The following PLEKHG4B variants were observed in gnomAD, a reference collection of about 807,000 sequenced individuals.
PLEKHG4B encodes the protein pleckstrin homology and RhoGEF domain containing G4B.
A neutral mutation model predicts 121.3 loss-of-function variants in PLEKHG4B; 111 were observed. The ratio of observed to expected loss-of-function variants is 0.92; its 90% CI spans 0.78 to 1.07. The LOEUF is 1.07. Ranked by LOEUF, PLEKHG4B falls within the 50% of genes least tolerant of loss-of-function variation. The probability of loss-of-function intolerance (pLI) is 0.00; values close to 1 mark genes in which losing one functional copy is unlikely to be tolerated. For missense variants in PLEKHG4B, 1,831 were observed against 1,757.8 expected, an observed-to-expected ratio of 1.04 and a Z score of -0.74; for synonymous variants, 738 against 725.0, an observed-to-expected ratio of 1.02 and a Z score of -0.29.
chr5:164,865 C>T (rs1459069091), intron 13 of PLEKHG4B, among the ~76,000 whole-genome samples: 2 of 124,660 alleles, frequency 1.6e-5, no homozygotes, highest in African/African-American at 3.4e-5. Flanking sequence ...GGGCGGGGCT[C>T]ACAGTAATGC....
chr5:156,247 A>G lies in PLEKHG4B; in HGVS notation c.2348+37A>G, dbSNP rs746068250. 2 of 1,410,204 alleles carry G rather than the reference A, an allele frequency of 1.4e-6. No individual in the cohort carries two copies. Among genetic ancestry groups the G allele is most frequent in the Admixed American group, 2.5e-5 (1 of 39,430 alleles). 87.4% of individuals were successfully genotyped at this position (1,410,204 alleles called of 1,614,324 possible). On this transcript the variant is annotated intron_variant, in intron 10 of 19. Coordinates refer to ENST00000637938, the MANE Select transcript of PLEKHG4B (RefSeq NM_052909.5). This position sits in a 1 kb window ranked among gnomAD's most constrained non-coding sequence, Gnocchi z 4.4. ...CAGGGGTCATGCTGGGCCCTGGCCC[A>G]TCGAGGGAGCTGCTCGGGGGAGTTT... is the stretch of plus-strand genomic sequence containing the variant.
At chr5:132,021 A>G (rs1227041712) in intron 2 of PLEKHG4B, among the ~76,000 whole-genome samples, 1 of 152,240 alleles carries the variant, frequency 6.6e-6, no homozygotes, top group Non-Finnish European at 1.5e-5. Flanking sequence ...CTATCTCAAC[A>G]TAATAAAAGC....
chr5:121,518 G>A (rs943265065), intron 2 of PLEKHG4B, among the ~76,000 whole-genome samples: 1 of 152,022 alleles, frequency 6.6e-6, no homozygotes, highest in Non-Finnish European at 1.5e-5. Flanking sequence ...GTGAGAAAAG[G>A]GCAGGACAAA....
At chr5:112,178 A>G (rs1159420944) in intron 1 of PLEKHG4B, among the ~76,000 whole-genome samples, 2 of 152,208 alleles carry the variant, frequency 1.3e-5, no homozygotes, top group African/African-American at 2.4e-5. Flanking sequence ...CAGGGCCGGC[A>G]GGAGGCTCTA....
Position 149,413 on chromosome 5 carries a change from T to C in PLEKHG4B, c.1906-2100T>C, listed in dbSNP as rs374690275. Among the ~76,000 whole-genome samples, 40 of 151,630 alleles carry C rather than the reference T, an allele frequency of 2.6e-4. No homozygotes were observed. In the East Asian group the frequency reaches 2.7e-3, roughly 10 times the overall value. ...AAAATTAGCTGAGCATGGTGGTGCATGTTTGTAGTCCTAGCTACTTAAGGG... is the reference window on the plus strand; with the variant it reads ...AAAATTAGCTGAGCATGGTGGTGCACGTTTGTAGTCCTAGCTACTTAAGGG... On this transcript the variant is annotated intron_variant, in intron 6 of 19. Coordinates refer to ENST00000637938, the MANE Select transcript of PLEKHG4B (RefSeq NM_052909.5).
At chr5:120,017 G>A (rs1168824809) in intron 2 of PLEKHG4B, among the ~76,000 whole-genome samples, 1 of 152,178 alleles carries the variant, frequency 6.6e-6, no homozygotes, top group African/African-American at 2.4e-5. Flanking sequence ...CAAGGCTGTG[G>A]GGGAGAATCG....
chr5:158,743 TG>T (rs1735888675), intron 11 of PLEKHG4B, among the ~76,000 whole-genome samples: 1 of 133,610 alleles, frequency 7.5e-6, no homozygotes, highest in Non-Finnish European at 1.6e-5. Context: ...TACTCCTTCC[TG>T]GGGTGTCTCC....
rs115149634 is a variant in PLEKHG4B at position 143,134 on chromosome 5, G to C, written c.1565G>C (p.Arg522Pro). 1.7e-3 allele frequency: 2,756 copies of C among 1,612,610 alleles called. 19 individuals are homozygous for C. The highest frequency in any genetic ancestry group is 5.9e-3 in the Middle Eastern group (36 of 6,062). Reference protein sequence around the residue: ...NPSGPSDVPARQPHPEQEGWP... With the variant: ...NPSGPSDVPAPQPHPEQEGWP... ...AGCGGGCCTTCCGATGTGCCTGCCC[G>C]GCAGCCACACCCCGAGCAAGAAGGG... Residue 522 changes from arginine (R) to proline (P), a missense_variant, in exon 4 of 20, where the codon CGG (arginine) becomes CCG (proline). By Grantham distance (103) the Arg-to-Pro change is moderately radical. Coordinates refer to ENST00000637938, the MANE Select transcript of PLEKHG4B (RefSeq NM_052909.5).
At position 162,833 on chromosome 5, in the gene PLEKHG4B, C is replaced by G; in HGVS notation, c.2761C>G (p.Pro921Ala). The G allele has an allele frequency of 6.6e-7, 1 of 1,512,418 alleles. No homozygotes were observed. The highest frequency in any genetic ancestry group is 1.3e-5 in the South Asian group (1 of 75,440). 93.7% of individuals were successfully genotyped at this position (1,512,418 alleles called of 1,614,324 possible). A position where few individuals can be genotyped will look rare whatever the true frequency, so the allele number is the denominator to read the frequency against. The change falls in exon 13 of 20, where the codon CCC (proline) becomes GCC (alanine). Residue 921 changes from proline to alanine, a missense_variant. Coordinates refer to ENST00000637938, the MANE Select transcript of PLEKHG4B (RefSeq NM_052909.5). ...EATSVAAEAF[P>A]GAGVAVLKPH... The stretch of plus-strand genomic sequence containing the variant: ...TACCTCGGTGGCTGCAGAGGCCTTC[C>G]CCGGGGCAGGTGTGGCAGTGCTGAA...
intron 2 of PLEKHG4B, among the ~76,000 whole-genome samples, chr5:135,682 A>AAAAT (rs1553985215): frequency 1.5e-4 from 3 of 19,606 alleles, no homozygotes; most frequent in Non-Finnish European, 3.1e-4. Flanking sequence ...AAAAAAAAAA[A>AAAAT]ATATATATAT....
chr5:125,664 A>G (rs3866912), intron 2 of PLEKHG4B, among the ~76,000 whole-genome samples: 28,258 of 152,152 alleles, frequency 0.19, 3,598 homozygotes, highest in African/African-American at 0.36. Flanking sequence ...CAATAATACT[A>G]GCTTTCATAA....
rs921515896 is a variant in PLEKHG4B, at chr5:162,073, G to A, written c.2649+129G>A. 3.3e-6 allele frequency: 4 copies of A among 1,209,822 alleles called. No individual in the cohort carries two copies. In the African/African-American group the frequency reaches 5.2e-5, roughly 16 times the overall value. 74.9% of individuals were successfully genotyped at this position (1,209,822 alleles called of 1,614,324 possible). A position where few individuals can be genotyped will look rare whatever the true frequency, so the allele number is the denominator to read the frequency against. Reference sequence around the variant, plus strand: ...ACAGAGGCCGGGCACCTGCGATGGAGCCCCCCTGGCCACTGCGCCCACGGC... The same window carrying A: ...ACAGAGGCCGGGCACCTGCGATGGAACCCCCCTGGCCACTGCGCCCACGGC... On this transcript the variant is annotated intron_variant, in intron 12 of 19. Transcript: ENST00000637938.
chr5:102,933 C>A (rs10056933), intron 1 of PLEKHG4B, among the ~76,000 whole-genome samples: 28,539 of 152,106 alleles, frequency 0.19, 3,787 homozygotes, highest in African/African-American at 0.37. Flanking sequence ...GTCTTGGAGC[C>A]GGTGGTTATG....
intron 18 of PLEKHG4B, 41 bp from the exon 19 acceptor site, chr5:181,473 C>T (rs1209938029): frequency 1.3e-6 from 2 of 1,595,848 alleles, no homozygotes; most frequent in African/African-American, 2.7e-5. Context: ...GCATTAGCCC[C>T]CGAGTTGCTT....
chr5:154,763 T>G, intron 7 of PLEKHG4B, 112 bp from the exon 8 acceptor site: 1 of 791,898 alleles, frequency 1.3e-6, no homozygotes, highest in Middle Eastern at 3.1e-4. Flanking sequence ...GCAGGGGCGA[T>G]ACTCCTTGAG....
intron 1 of PLEKHG4B, among the ~76,000 whole-genome samples, chr5:98,024 A>G (rs1420516849): frequency 6.6e-6 from 1 of 152,180 alleles, no homozygotes; most frequent in Admixed American, 6.5e-5. Flanking sequence ...TTTAATTTTC[A>G]TTATATCTAT....
At chr5:167,289 A>C (rs1363018128) in intron 13 of PLEKHG4B, among the ~76,000 whole-genome samples, 1 of 152,234 alleles carries the variant, frequency 6.6e-6, no homozygotes, top group Non-Finnish European at 1.5e-5. Flanking sequence ...AATCTGTCAA[A>C]TCTGTTATGC....
chr5:169,179 CT>C (rs954246592), intron 13 of PLEKHG4B, 160 bp from the exon 14 acceptor site: 23 of 996,976 alleles, frequency 2.3e-5, no homozygotes, highest in Non-Finnish European at 3.0e-5. Context: ...TGGCCGGAAG[CT>C]TTTTTATCGT....
At position 92,498 on chromosome 5, in the gene PLEKHG4B, G is replaced by A. The variant is rs1244873366; in HGVS notation, c.45+222G>A. On this transcript the variant is annotated intron_variant, in intron 1 of 19. Coordinates refer to ENST00000637938, the MANE Select transcript of PLEKHG4B (RefSeq NM_052909.5). ...GGGTGGGGGCGCGGGGGTAGGGGCG[G>A]GGTGAAGGCGCGAGCATCAAGGCGG... 3.0e-5 allele frequency among the ~76,000 whole-genome samples: 4 copies of A among 132,038 alleles called. No individual in the cohort carries two copies. In the East Asian group the frequency reaches 8.6e-4, roughly 29 times the overall value. 86.6% of individuals were successfully genotyped at this position (132,038 alleles called of 152,430 possible). A position where few individuals can be genotyped will look rare whatever the true frequency, so the allele number is the denominator to read the frequency against.
Sources: allele counts gnomAD v4.1 joint callset (sites outside exome capture counted in the v4.1 genomes callset), GRCh38; gene constraint gnomAD v4.1.1; non-coding constraint Gnocchi (gnomAD v3.1); transcripts MANE v1.5; gene names NCBI Gene and HGNC (gene_info 2026-07-23, HGNC 2026-07-21).